The following CD2AP variants were observed in gnomAD, a reference collection of about 807,000 sequenced individuals.
The protein encoded by CD2AP is CD2-associated protein.
Under a neutral mutation model 85.1 loss-of-function variants are expected in CD2AP, and 46 were observed. The ratio of observed to expected loss-of-function variants is 0.54; its 90% CI spans 0.43 to 0.69. The LOEUF is 0.69. CD2AP is among the 30% of genes least tolerant of loss of function. The probability of loss-of-function intolerance (pLI) is 0.00; values close to 1 mark genes in which losing one functional copy is unlikely to be tolerated. For synonymous variants in CD2AP, 255 were observed against 252.9 expected (o/e 1.01, Z -0.08); for missense variants, 769 against 729.5 (o/e 1.05, Z -0.62).
intron 5 of CD2AP, among the ~76,000 whole-genome samples, chr6:47,571,020 C>T (rs140982275): frequency 6.6e-6 from 1 of 152,244 alleles, no homozygotes; most frequent in East Asian, 1.9e-4. Flanking sequence ...ACCCCCTTCC[C>T]TGCCTTTTTT....
chr6:47,606,179 G>A lies in CD2AP; in HGVS notation c.1432G>A (p.Asp478Asn), dbSNP rs751844168. 6.3e-7 allele frequency: 1 copy of A among 1,575,666 alleles called. No individual in the cohort carries two copies. Among genetic ancestry groups the A allele is most frequent in the African/African-American group, 1.4e-5 (1 of 74,068 alleles). ...TSKETDVVNF[D>N]DIASSENLLH... ...TTATTTTCTAGATGTTGTAAATTTT[G>A]ATGACATAGCTTCCTCAGAAAACTT... Residue 478 changes from aspartate (D) to asparagine (N), a missense_variant, in exon 14 of 18, where the codon GAT (aspartate) becomes AAT (asparagine). Transcript: ENST00000359314.
intron 2 of CD2AP, among the ~76,000 whole-genome samples, chr6:47,524,336 T>A (rs1766668994): frequency 6.6e-6 from 1 of 152,150 alleles, no homozygotes; most frequent in Non-Finnish European, 1.5e-5. Context: ...CTCTCATCTG[T>A]GGCCTCAAGG....
At chr6:47,490,990 T>C (rs1300131967) in intron 1 of CD2AP, among the ~76,000 whole-genome samples, 1 of 152,160 alleles carries the variant, frequency 6.6e-6, no homozygotes, top group Non-Finnish European at 1.5e-5. Context: ...TTCTAATATA[T>C]AATTAAAAGG....
intron 2 of CD2AP, among the ~76,000 whole-genome samples, chr6:47,513,154 T>C (rs1220374133): frequency 1.3e-5 from 2 of 152,012 alleles, no homozygotes; most frequent in South Asian, 2.1e-4. Context: ...TTTTTTTTTT[T>C]TTTTTCTTCT....
chr6:47,576,115 T>G (rs1768302542), intron 6 of CD2AP, among the ~76,000 whole-genome samples: 2 of 152,142 alleles, frequency 1.3e-5, no homozygotes, highest in Admixed American at 1.3e-4. Context: ...CACCATGTCA[T>G]CCAGGCTGGA....
intron 11 of CD2AP, among the ~76,000 whole-genome samples, chr6:47,585,019 C>T (rs1375931920): frequency 1.3e-5 from 2 of 151,942 alleles, no homozygotes; most frequent in African/African-American, 4.8e-5. Flanking sequence ...GGAGGCCGGG[C>T]GCGGTGTCTT....
rs550885056 is a variant in CD2AP at position 47,624,533 on chromosome 6, T to C, written c.*306T>C. 9.7e-6 allele frequency: 3 copies of C among 310,552 alleles called. No homozygotes were observed. Among genetic ancestry groups the C allele is most frequent in the East Asian group, 6.6e-5 (1 of 15,158 alleles). The allele number at this position is 310,552 out of a possible 1,614,324, so 19.2% of individuals were successfully genotyped here. A position where few individuals can be genotyped will look rare whatever the true frequency, so the allele number is the denominator to read the frequency against. On this transcript the variant is annotated 3_prime_UTR_variant, in exon 18 of 18. Transcript: ENST00000359314. ...TGCACAGTAGTTTTTTTATTGAAAC[T>C]TGTATTATTTTTAAAGAGATCTATA...
intron 5 of CD2AP, chr6:47,562,994 C>A: frequency 2.5e-6 from 1 of 404,454 alleles, no homozygotes; most frequent in Non-Finnish European, 4.5e-6. Flanking sequence ...AGTATGTCAT[C>A]GAAGAGTCCT....
At chr6:47,576,300 A>T (rs1768310398) in intron 6 of CD2AP, among the ~76,000 whole-genome samples, 1 of 152,150 alleles carries the variant, frequency 6.6e-6, no homozygotes, top group African/African-American at 2.4e-5. Flanking sequence ...GACGTCAGAG[A>T]ATATTATCTT....
At chr6:47,544,001 C>G (rs1767302123) in intron 3 of CD2AP, among the ~76,000 whole-genome samples, 1 of 152,094 alleles carries the variant, frequency 6.6e-6, no homozygotes, top group Admixed American at 6.5e-5. Context: ...GTTCTCAGTT[C>G]TTAGAGCTTG....
At chr6:47,509,472 C>A (rs1391321281) in intron 2 of CD2AP, among the ~76,000 whole-genome samples, 3 of 151,442 alleles carry the variant, frequency 2.0e-5, no homozygotes, top group Admixed American at 6.6e-5. Context: ...TTGTGATGTG[C>A]AGTGAAGCGA....
At chr6:47,598,600 C>G (rs1769016902) in intron 12 of CD2AP, among the ~76,000 whole-genome samples, 1 of 150,942 alleles carries the variant, frequency 6.6e-6, no homozygotes, top group Non-Finnish European at 1.5e-5. Flanking sequence ...ATGGCATTCA[C>G]AGCAACCTGG....
intron 2 of CD2AP, among the ~76,000 whole-genome samples, chr6:47,525,433 G>C (rs538090957): frequency 2.2e-4 from 33 of 152,182 alleles, no homozygotes; most frequent in African/African-American, 7.9e-4. Context: ...TGTTTCATTT[G>C]AGAAATGAAA....
At chr6:47,522,507 C>T (rs1397406031) in intron 2 of CD2AP, among the ~76,000 whole-genome samples, 1 of 152,150 alleles carries the variant, frequency 6.6e-6, no homozygotes, top group Non-Finnish European at 1.5e-5. Context: ...GGTAAGTGAA[C>T]TGCTGTTACT....
chr6:47,521,195 C>T (rs1355268913), intron 2 of CD2AP, among the ~76,000 whole-genome samples: 1 of 152,076 alleles, frequency 6.6e-6, no homozygotes, highest in Non-Finnish European at 1.5e-5. Flanking sequence ...GCTTATCTTG[C>T]TCATAAGTAA....
At chr6:47,554,519 A>G in intron 4 of CD2AP, 127 bp from the exon 5 acceptor site, 1 of 867,658 alleles carries the variant, frequency 1.2e-6, no homozygotes, top group East Asian at 2.6e-5. Context: ...TGTGTTTTAA[A>G]TTTTAAAGGG....
chr6:47,597,746 A>C (rs1229751852), intron 12 of CD2AP, among the ~76,000 whole-genome samples: 1 of 149,834 alleles, frequency 6.7e-6, no homozygotes, highest in East Asian at 1.9e-4. Context: ...AGTATGGTGG[A>C]ATTCTCAACC....
At chr6:47,549,425 T>C (rs1435883096) in intron 4 of CD2AP, among the ~76,000 whole-genome samples, 1 of 107,022 alleles carries the variant, frequency 9.3e-6, no homozygotes, top group Non-Finnish European at 1.9e-5. Context: ...ATGTGGAGAA[T>C]CAAATCAAGA....
In CD2AP at chr6:47,533,760, G is replaced by A. The variant is rs1411938293; in HGVS notation, c.319+5G>A. 1.2e-6 allele frequency: 2 copies of A among 1,613,440 alleles called. No individual in the cohort carries two copies. Among genetic ancestry groups the A allele is most frequent in the Non-Finnish European group, 1.7e-6 (2 of 1,179,564 alleles). On this transcript the variant is annotated splice_donor_5th_base_variant and intron_variant, in intron 3 of 17. Transcript: ENST00000359314. ...AAACCAAAAACATTAAGAAGAGTATGTAAATAATTCCTTTCCTGCATAATT... is the reference window on the plus strand; with the variant it reads ...AAACCAAAAACATTAAGAAGAGTATATAAATAATTCCTTTCCTGCATAATT...
Sources: gnomAD v4.1 joint callset for allele counts (sites outside exome capture counted in the v4.1 genomes callset) on GRCh38, gnomAD v4.1.1 for gene constraint, MANE v1.5 for transcripts, NCBI Gene and HGNC (gene_info 2026-07-23, HGNC 2026-07-21) for gene names.